WDPCP: variants seen among roughly 807,000 people sequenced by gnomAD.
WDPCP encodes WD repeat containing planar cell polarity effector, also known as WD repeat-containing and planar cell polarity effector protein fritz homolog.
A neutral mutation model predicts 93.1 loss-of-function variants in WDPCP; 71 were observed. That is an observed-to-expected ratio of 0.76 (90% CI 0.63 to 0.93). The LOEUF (loss-of-function observed/expected upper bound fraction) is 0.93. WDPCP is among the 40% of genes least tolerant of loss of function. The pLI is 0.00. For synonymous variants in WDPCP, 315 were observed against 315.0 expected (o/e 1.00, Z 0.00); for missense variants, 844 against 887.4 (o/e 0.95, Z 0.62).
chr2:63,138,822 C>G (rs905561254), intron 17 of WDPCP, among the ~76,000 whole-genome samples: 1 of 152,016 alleles, frequency 6.6e-6, no homozygotes, highest in African/African-American at 2.4e-5. Flanking sequence ...TACACTGCAC[C>G]ATATTAGTAC....
rs550434821 is a variant in WDPCP at position 63,201,003 on chromosome 2, C to G, written c.1916-26171G>C. Among the ~76,000 whole-genome samples, 5 of 152,198 alleles carry G rather than the reference C, an allele frequency of 3.3e-5. No homozygotes were observed. In the East Asian group the frequency reaches 9.7e-4, roughly 29 times the overall value. On this transcript the variant is annotated intron_variant, in intron 14 of 17. Transcript: ENST00000272321. ...TATGGTTTGGGTCTGTGTCATCACCCAAATCTACCAAATCTAATGTCAAAT... is the reference window on the plus strand; with the variant it reads ...TATGGTTTGGGTCTGTGTCATCACCGAAATCTACCAAATCTAATGTCAAAT...
intron 2 of WDPCP, chr2:63,717,344 G>A: frequency 2.0e-6 from 1 of 494,350 alleles, no homozygotes; most frequent in Non-Finnish European, 4.0e-6. Flanking sequence ...GGCACAATAG[G>A]CACCAAGGAC....
intron 3 of WDPCP, among the ~76,000 whole-genome samples, chr2:63,647,327 G>A (rs888948253): frequency 9.2e-5 from 14 of 152,036 alleles, no homozygotes; most frequent in African/African-American, 2.7e-4. Flanking sequence ...TAGTAGAGAT[G>A]GGGTTCATCA....
At chr2:63,127,027 A>C (rs1425315261) in intron 17 of WDPCP, among the ~76,000 whole-genome samples, 2 of 151,882 alleles carry the variant, frequency 1.3e-5, no homozygotes, top group African/African-American at 4.8e-5. Flanking sequence ...TTTATTTTAG[A>C]TATGATATAT....
chr2:63,338,312 G>C (rs1558489157), intron 12 of WDPCP, among the ~76,000 whole-genome samples: 1 of 151,998 alleles, frequency 6.6e-6, no homozygotes, highest in Non-Finnish European at 1.5e-5. Context: ...GGGAGGCCAA[G>C]GCGGGTGGAT....
chr2:63,161,260 G>A (rs1271276031), intron 15 of WDPCP, among the ~76,000 whole-genome samples: 2 of 152,142 alleles, frequency 1.3e-5, no homozygotes, highest in African/African-American at 4.8e-5. Flanking sequence ...AAAGACAAAA[G>A]CATCTATTAT....
At chr2:63,346,371 A>G (rs1199345313) in intron 12 of WDPCP, among the ~76,000 whole-genome samples, 1 of 152,124 alleles carries the variant, frequency 6.6e-6, no homozygotes, top group African/African-American at 2.4e-5. Context: ...AGCTGAGCCT[A>G]TGTGGAAAAG....
intron 2 of WDPCP, chr2:63,684,839 T>A (rs1668784164): frequency 3.1e-6 from 1 of 322,442 alleles, no homozygotes; most frequent in Admixed American, 4.1e-5. Context: ...AACTATACAA[T>A]CACATGGAAA....
intron 1 of WDPCP, among the ~76,000 whole-genome samples, chr2:63,527,906 G>A (rs979079609): frequency 3.3e-5 from 5 of 151,870 alleles, no homozygotes; most frequent in African/African-American, 9.7e-5. Context: ...TTTATTGATC[G>A]CCATTCTAAC....
At chr2:63,415,744 G>A (rs1351863869) in intron 9 of WDPCP, among the ~76,000 whole-genome samples, 2 of 152,162 alleles carry the variant, frequency 1.3e-5, no homozygotes, top group Non-Finnish European at 2.9e-5. Flanking sequence ...GAACCACAGG[G>A]CACTGGGAAC....
intron 2 of WDPCP, among the ~76,000 whole-genome samples, chr2:63,660,825 G>C (rs778342926): frequency 3.9e-5 from 6 of 152,132 alleles, no homozygotes; most frequent in Admixed American, 6.6e-5. Flanking sequence ...TTTAGTAGTG[G>C]AGTTTAGTGA....
At chr2:63,164,931 A>G (rs1443282949) in intron 15 of WDPCP, among the ~76,000 whole-genome samples, 1 of 152,172 alleles carries the variant, frequency 6.6e-6, no homozygotes, top group Non-Finnish European at 1.5e-5. Context: ...TAAAATACCT[A>G]CTTAACACAA....
intron 6 of WDPCP, among the ~76,000 whole-genome samples, chr2:63,482,577 G>T (rs919654995): frequency 6.6e-6 from 1 of 151,920 alleles, no homozygotes; most frequent in African/African-American, 2.4e-5. Context: ...AATTTATTGC[G>T]ATACCAGAGA....
chr2:63,719,806 T>C (rs1283510292), intron 2 of WDPCP, among the ~76,000 whole-genome samples: 1 of 152,154 alleles, frequency 6.6e-6, no homozygotes, highest in Non-Finnish European at 1.5e-5. Context: ...AAGTTTACCA[T>C]ATATTAGGCT....
At chr2:63,698,091 G>C (rs747052806) in intron 2 of WDPCP, among the ~76,000 whole-genome samples, 6 of 152,036 alleles carry the variant, frequency 3.9e-5, no homozygotes, top group Non-Finnish European at 8.8e-5. Context: ...GAGTAGCTGG[G>C]ATTATGGATG....
At chr2:63,786,038 G>T (rs902084390) in intron 2 of WDPCP, among the ~76,000 whole-genome samples, 1 of 152,034 alleles carries the variant, frequency 6.6e-6, no homozygotes, top group African/African-American at 2.4e-5. Flanking sequence ...ATTCTCTTTG[G>T]TTTTTTCTTC....
intron 17 of WDPCP, among the ~76,000 whole-genome samples, chr2:63,135,208 C>T (rs544771759): frequency 4.6e-5 from 7 of 152,300 alleles, no homozygotes; most frequent in African/African-American, 1.7e-4. Context: ...CTACTAAATT[C>T]AGGGCACGTG....
chr2:63,244,399 T>C (rs763568638), intron 14 of WDPCP, among the ~76,000 whole-genome samples: 21 of 151,398 alleles, frequency 1.4e-4, no homozygotes, highest in Admixed American at 4.6e-4. Flanking sequence ...GAGGCAAAAA[T>C]CCATACAAAA....
At chr2:63,443,204 C>A (rs1697620683) in intron 6 of WDPCP, 1 of 152,144 alleles carries the variant, frequency 6.6e-6, no homozygotes, top group East Asian at 1.9e-4. Flanking sequence ...CAGACAATGC[C>A]CTTGCCCTCC....
Sources: gnomAD v4.1 joint callset for allele counts (sites outside exome capture counted in the v4.1 genomes callset) on GRCh38, gnomAD v4.1.1 for gene constraint, MANE v1.5 for transcripts, NCBI Gene and HGNC (gene_info 2026-07-23, HGNC 2026-07-21) for gene names.